The following MYO3B variants were observed in gnomAD, a reference collection of about 807,000 sequenced individuals.
MYO3B encodes the protein myosin IIIB.
In MYO3B, 156 loss-of-function variants were observed where a neutral mutation model predicts 174.6. That is an observed-to-expected ratio of 0.89 (90% CI 0.78 to 1.02). The LOEUF is 1.02. MYO3B is among the 50% of genes least tolerant of loss of function. MYO3B has a pLI of 0.00. For synonymous variants in MYO3B, 563 were observed against 569.1 expected (o/e 0.99, Z 0.15); for missense variants, 1,632 against 1,639.4 (o/e 1.00, Z 0.08).
intron 22 of MYO3B, among the ~76,000 whole-genome samples, chr2:170,409,053 C>T (rs1262426586): frequency 6.6e-6 from 1 of 152,146 alleles, no homozygotes; most frequent in Non-Finnish European, 1.5e-5. Flanking sequence ...GGTGAAGAGA[C>T]AGCCATTATT....
At chr2:170,266,282 A>G (rs1436238126) in intron 7 of MYO3B, among the ~76,000 whole-genome samples, 2 of 152,174 alleles carry the variant, frequency 1.3e-5, no homozygotes, top group African/African-American at 2.4e-5. Flanking sequence ...TTGAGTGCCT[A>G]CCTTGCCCAT....
chr2:170,547,729 G>A (rs1690622735), intron 32 of MYO3B, among the ~76,000 whole-genome samples: 1 of 152,178 alleles, frequency 6.6e-6, no homozygotes, highest in African/African-American at 2.4e-5. Flanking sequence ...GCACTTGGAT[G>A]TTGTGTCAAT....
At chr2:170,595,895 G>T (rs1018078977) in intron 32 of MYO3B, among the ~76,000 whole-genome samples, 1 of 152,042 alleles carries the variant, frequency 6.6e-6, no homozygotes, top group Non-Finnish European at 1.5e-5. Context: ...CTGTGGTTGC[G>T]GTTGCTAAGG....
At chr2:170,424,191 T>A (rs2094642182) in intron 22 of MYO3B, among the ~76,000 whole-genome samples, 1 of 152,232 alleles carries the variant, frequency 6.6e-6, no homozygotes. Flanking sequence ...TGGGACCTGC[T>A]AAGGTAATGC....
At chr2:170,357,085 C>T (rs145679303) in intron 8 of MYO3B, among the ~76,000 whole-genome samples, 1 of 152,040 alleles carries the variant, frequency 6.6e-6, no homozygotes, top group East Asian at 1.9e-4. Flanking sequence ...CTGGGCCTGG[C>T]CTAGTCTGTT....
intron 32 of MYO3B, among the ~76,000 whole-genome samples, chr2:170,651,180 C>G (rs1470101052): frequency 1.3e-5 from 2 of 152,252 alleles, no homozygotes; most frequent in East Asian, 3.9e-4. Flanking sequence ...CAAAATGTAT[C>G]CCACCAAAAG....
chr2:170,612,909 G>A (rs1695209876), intron 32 of MYO3B, among the ~76,000 whole-genome samples: 1 of 152,190 alleles, frequency 6.6e-6, no homozygotes, highest in Admixed American at 6.5e-5. Context: ...TCTTTTTGAG[G>A]ACTATAAGCT....
intron 8 of MYO3B, among the ~76,000 whole-genome samples, chr2:170,364,269 G>C (rs2094182447): frequency 8.3e-6 from 1 of 120,930 alleles, no homozygotes; most frequent in African/African-American, 2.8e-5. Flanking sequence ...GGAAACGTGG[G>C]CTCAAATAGA....
At chr2:170,524,185 T>C (rs930583765) in intron 30 of MYO3B, among the ~76,000 whole-genome samples, 1 of 152,202 alleles carries the variant, frequency 6.6e-6, no homozygotes, top group African/African-American at 2.4e-5. Flanking sequence ...TTTTATCTCA[T>C]GTAATTCTCA....
At chr2:170,491,797 C>T (rs1459213971) in intron 25 of MYO3B, among the ~76,000 whole-genome samples, 1 of 152,086 alleles carries the variant, frequency 6.6e-6, no homozygotes, top group East Asian at 1.9e-4. Flanking sequence ...GTGTCATGTA[C>T]ACATGTCAGC....
chr2:170,507,043 TGTCTTTATCA>T, intron 28 of MYO3B, among the ~76,000 whole-genome samples: 1 of 152,354 alleles, frequency 6.6e-6, no homozygotes, highest in Non-Finnish European at 1.5e-5. Context: ...TCAAACTCAC[TGTCTTTATCA>T]GAGGAAGCAC....
chr2:170,326,556 A>G (rs943076942), intron 7 of MYO3B, among the ~76,000 whole-genome samples: 3 of 96,042 alleles, frequency 3.1e-5, no homozygotes, highest in Admixed American at 3.1e-4. Flanking sequence ...TGGCTCAGAC[A>G]ACGAGCCACA....
intron 28 of MYO3B, among the ~76,000 whole-genome samples, chr2:170,506,660 G>A (rs931554870): frequency 2.6e-5 from 4 of 152,162 alleles, no homozygotes; most frequent in African/African-American, 9.7e-5. Flanking sequence ...TTTTGCCAAC[G>A]CTCTTTGGAA....
chr2:170,435,919 G>A (rs2094750206), intron 22 of MYO3B, among the ~76,000 whole-genome samples: 1 of 152,186 alleles, frequency 6.6e-6, no homozygotes, highest in Non-Finnish European at 1.5e-5. Context: ...AGTAAAAGAT[G>A]ACTACAGGTG....
intron 1 of MYO3B, among the ~76,000 whole-genome samples, chr2:170,185,374 T>G (rs927624458): frequency 6.6e-6 from 1 of 152,182 alleles, no homozygotes; most frequent in African/African-American, 2.4e-5. Context: ...ATAACCAATT[T>G]TCCCAGCACC....
intron 30 of MYO3B, among the ~76,000 whole-genome samples, chr2:170,529,342 C>G (rs1358399139): frequency 6.6e-6 from 1 of 151,850 alleles, no homozygotes; most frequent in Non-Finnish European, 1.5e-5. Flanking sequence ...AGCATGTACT[C>G]CTGGACCTAA....
At chr2:170,623,475 C>G (rs1487496652) in intron 32 of MYO3B, among the ~76,000 whole-genome samples, 1 of 152,082 alleles carries the variant, frequency 6.6e-6, no homozygotes, top group African/African-American at 2.4e-5. Context: ...GGATTTTAGC[C>G]CTTTGTCAGA....
intron 7 of MYO3B, among the ~76,000 whole-genome samples, chr2:170,254,268 A>G (rs2093283272): frequency 6.6e-6 from 1 of 152,170 alleles, no homozygotes; most frequent in African/African-American, 2.4e-5. Flanking sequence ...ACAGAGGTAA[A>G]GCTAGAACCT....
At chr2:170,182,614 C>CTTTT (rs3066879) in intron 1 of MYO3B, among the ~76,000 whole-genome samples, 1,397 of 135,584 alleles carry the variant, frequency 0.01, 34 homozygotes, top group African/African-American at 0.035. Flanking sequence ...TTTTCTGTTT[C>CTTTT]TTTTTTTTTT....
Sources: allele counts gnomAD v4.1 joint callset (sites outside exome capture counted in the v4.1 genomes callset), GRCh38; gene constraint gnomAD v4.1.1; transcripts MANE v1.5; gene names NCBI Gene and HGNC (gene_info 2026-07-23, HGNC 2026-07-21).